The following TAF3 variants were observed in gnomAD, a reference collection of about 807,000 sequenced individuals.
TAF3 encodes transcription initiation factor TFIID subunit 3.
Under a neutral mutation model 80.6 loss-of-function variants are expected in TAF3, and 7 were observed. The observed-to-expected ratio is 0.09, with a 90% confidence interval of 0.05 to 0.16. The LOEUF is 0.16. Among genes scored for constraint, TAF3 ranks in the 10% least tolerant of loss-of-function variants. The probability of loss-of-function intolerance (pLI) is 1.00; values close to 1 mark genes in which losing one functional copy is unlikely to be tolerated. For missense variants in TAF3, 921 were observed against 1,140.2 expected (o/e 0.81, Z 2.77); for synonymous variants, 444 against 446.1 (o/e 1.00, Z 0.06).
intron 2 of TAF3, among the ~76,000 whole-genome samples, chr10:7,835,396 G>C (rs61833209): frequency 3.3e-5 from 5 of 152,152 alleles, no homozygotes; most frequent in Non-Finnish European, 7.3e-5. Flanking sequence ...CTCTTCTATC[G>C]TTTTTGCGGA....
chr10:7,844,169 C>T (rs1035065252), intron 2 of TAF3, among the ~76,000 whole-genome samples: 9 of 152,096 alleles, frequency 5.9e-5, no homozygotes, highest in African/African-American at 2.2e-4. Flanking sequence ...TTACCTAAAA[C>T]AGAATTTCTT....
At chr10:7,891,329 G>T (rs1190845719) in intron 2 of TAF3, among the ~76,000 whole-genome samples, 1 of 152,060 alleles carries the variant, frequency 6.6e-6, no homozygotes, top group Admixed American at 6.6e-5. Flanking sequence ...CATAGTAAAA[G>T]ACACAGATAC....
intron 2 of TAF3, among the ~76,000 whole-genome samples, chr10:7,843,492 AC>A (rs928130539): frequency 2.6e-5 from 4 of 152,126 alleles, no homozygotes; most frequent in Non-Finnish European, 5.9e-5. Context: ...GGTTTAAGTA[AC>A]TTTTAATCTT....
At chr10:7,919,859 C>T (rs1265188862) in intron 2 of TAF3, among the ~76,000 whole-genome samples, 1 of 151,886 alleles carries the variant, frequency 6.6e-6, no homozygotes, top group African/African-American at 2.4e-5. Context: ...GACATTTTTT[C>T]CCTTGTATGT....
intron 2 of TAF3, among the ~76,000 whole-genome samples, chr10:7,869,664 C>T (rs1837246850): frequency 6.6e-6 from 1 of 152,206 alleles, no homozygotes; most frequent in Non-Finnish European, 1.5e-5. Flanking sequence ...TTGATTGTCA[C>T]CTTTTTAAGC....
At chr10:7,901,282 C>T (rs1837555865) in intron 2 of TAF3, among the ~76,000 whole-genome samples, 2 of 152,156 alleles carry the variant, frequency 1.3e-5, no homozygotes, top group Non-Finnish European at 2.9e-5. Context: ...TGTTTCCAAA[C>T]CTCTGCGTAG....
intron 2 of TAF3, among the ~76,000 whole-genome samples, chr10:7,891,176 G>A (rs1391887532): frequency 6.6e-6 from 1 of 151,956 alleles, no homozygotes; most frequent in Non-Finnish European, 1.5e-5. Flanking sequence ...ATTGGTTGCT[G>A]GTATAATTAT....
At chr10:7,891,623 G>T (rs1165471246) in intron 2 of TAF3, among the ~76,000 whole-genome samples, 1 of 152,010 alleles carries the variant, frequency 6.6e-6, no homozygotes, top group African/African-American at 2.4e-5. Flanking sequence ...TTATGTTTTT[G>T]TTAGAAACTT....
At chr10:7,932,134 T>A (rs760704567) in intron 2 of TAF3, among the ~76,000 whole-genome samples, 4 of 152,216 alleles carry the variant, frequency 2.6e-5, no homozygotes, top group Non-Finnish European at 4.4e-5. Flanking sequence ...TATTCAATAC[T>A]GGGAGTATAG....
chr10:7,853,104 G>C (rs11594582), intron 2 of TAF3, among the ~76,000 whole-genome samples: 45,113 of 152,034 alleles, frequency 0.3, 7,728 homozygotes, highest in Non-Finnish European at 0.39. Flanking sequence ...GAGTGAGTTG[G>C]CAAATGTTGT....
In TAF3 at chr10:7,841,999, TGGTGGGC is replaced by T. The variant is rs575536637; in HGVS notation, c.409+17440_409+17446del. Among the ~76,000 whole-genome samples, 176 of 152,250 alleles carry T rather than the reference TGGTGGGC, an allele frequency of 1.2e-3. 1 individual carries two copies. Among genetic ancestry groups the T allele is most frequent in the African/African-American group, 4.0e-3 (168 of 41,554 alleles). Reference sequence around the variant, plus strand: ...GTACACTTGCTTTAAATCAGGTGGATGGTGGGCTTTTACCAAATGACTGCCTATGTTG... The same window carrying T: ...GTACACTTGCTTTAAATCAGGTGGATTTTTACCAAATGACTGCCTATGTTG... On this transcript the variant is annotated intron_variant, in intron 2 of 6. Coordinates refer to ENST00000344293, the MANE Select transcript of TAF3 (RefSeq NM_031923.4).
rs138979167 is a variant in TAF3 at position 7,818,554 on chromosome 10, C to A, written c.-156C>A. 324 of 727,794 alleles carry A rather than the reference C, an allele frequency of 4.5e-4. No individual in the cohort carries two copies. The highest frequency in any genetic ancestry group is 1.5e-4 in the Non-Finnish European group (72 of 490,402). The allele number at this position is 727,794 out of a possible 1,614,324, so 45.1% of individuals were successfully genotyped here. ...ATGGCGGCTCTCAGGCTGGCGCGCT[C>A]CGTGCTGCTGGGGCTTTGAGGTGGT... is the stretch of plus-strand genomic sequence containing the variant. On this transcript the variant is annotated 5_prime_UTR_variant, in exon 1 of 7. Coordinates refer to ENST00000344293, the MANE Select transcript of TAF3 (RefSeq NM_031923.4).
intron 2 of TAF3, among the ~76,000 whole-genome samples, chr10:7,827,508 G>A (rs907361224): frequency 2.0e-5 from 3 of 151,974 alleles, no homozygotes; most frequent in African/African-American, 4.8e-5. Context: ...TTGGCTGGGC[G>A]CAGTGGCTCA....
At chr10:7,908,715 C>A (rs1391676015) in intron 2 of TAF3, among the ~76,000 whole-genome samples, 1 of 152,240 alleles carries the variant, frequency 6.6e-6, no homozygotes. Context: ...ATTTTTCAAG[C>A]CACAAAACCC....
chr10:7,828,179 G>A (rs1052056067), intron 2 of TAF3, among the ~76,000 whole-genome samples: 5 of 152,144 alleles, frequency 3.3e-5, no homozygotes, highest in South Asian at 4.1e-4. Flanking sequence ...GCTGTAGTGC[G>A]CAATGATTGA....
intron 2 of TAF3, among the ~76,000 whole-genome samples, chr10:7,859,536 G>A (rs1398983363): frequency 6.6e-6 from 1 of 152,104 alleles, no homozygotes; most frequent in Non-Finnish European, 1.5e-5. Flanking sequence ...CTGGGCACTG[G>A]CCGGGTTTCA....
intron 3 of TAF3, among the ~76,000 whole-genome samples, chr10:7,967,445 C>T (rs1282722076): frequency 6.6e-6 from 1 of 152,172 alleles, no homozygotes; most frequent in Non-Finnish European, 1.5e-5. Context: ...TCCCCCAGAC[C>T]ACCTTGGTGG....
At chr10:7,913,434 T>G (rs545058713) in intron 2 of TAF3, among the ~76,000 whole-genome samples, 1 of 152,360 alleles carries the variant, frequency 6.6e-6, no homozygotes, top group South Asian at 2.1e-4. Context: ...CTATGCCCTT[T>G]TCTCATAAGT....
chr10:7,839,560 C>T (rs1310869894), intron 2 of TAF3, among the ~76,000 whole-genome samples: 2 of 152,198 alleles, frequency 1.3e-5, no homozygotes, highest in African/African-American at 2.4e-5. Flanking sequence ...GTTTCATAGT[C>T]TTGGCCCCAT....
Sources: allele counts gnomAD v4.1 joint callset (sites outside exome capture counted in the v4.1 genomes callset), GRCh38; gene constraint gnomAD v4.1.1; transcripts MANE v1.5; gene names NCBI Gene and HGNC (gene_info 2026-07-23, HGNC 2026-07-21).